Variants in METTL15 observed in about 807,000 individuals in gnomAD.
METTL15 encodes the protein 12S rRNA N(4)-cytidine methyltransferase METTL15.
Under a neutral mutation model 38.3 loss-of-function variants are expected in METTL15, and 34 were observed. The observed-to-expected ratio is 0.89, with a 90% CI of 0.68 to 1.18. METTL15 has a LOEUF of 1.18. Among genes scored for constraint, METTL15 ranks in the 50% most tolerant of loss-of-function variants. The pLI, the probability that METTL15 is intolerant of heterozygous loss-of-function variation, is 0.00. For missense variants in METTL15, 438 were observed against 498.4 expected (o/e 0.88, Z 1.15); for synonymous variants, 162 against 170.9 (o/e 0.95, Z 0.41).
chr11:28,186,062 G>T (rs1016675801), intron 3 of METTL15, among the ~76,000 whole-genome samples: 8 of 150,950 alleles, frequency 5.3e-5, no homozygotes, highest in African/African-American at 1.5e-4. Context: ...GTATCTTTGG[G>T]TTTGGGGTTC....
intron 3 of METTL15, among the ~76,000 whole-genome samples, chr11:28,349,635 A>G (rs925185677): frequency 6.6e-6 from 1 of 152,226 alleles, no homozygotes; most frequent in Admixed American, 6.5e-5. Context: ...TTTACCTTAA[A>G]TATATTTTAA....
At chr11:28,328,558 A>G (rs937593844) in intron 6 of METTL15, among the ~76,000 whole-genome samples, 4 of 152,154 alleles carry the variant, frequency 2.6e-5, no homozygotes, top group African/African-American at 9.6e-5. Flanking sequence ...CATTAAGAAC[A>G]AATCTGTACT....
chr11:28,292,353 C>A (rs1856551225), intron 5 of METTL15, among the ~76,000 whole-genome samples: 1 of 151,800 alleles, frequency 6.6e-6, no homozygotes, highest in African/African-American at 2.4e-5. Context: ...ATGATGATTT[C>A]CAGCTTCATC....
chr11:28,268,391 TACACAAATATAAGCTCTTTGTAGTTC>T (rs1855518207), intron 4 of METTL15, among the ~76,000 whole-genome samples: 1 of 152,044 alleles, frequency 6.6e-6, no homozygotes, highest in South Asian at 2.1e-4. Flanking sequence ...CTGCTTCACC[TACACAAATATAAGCTCTTTGTAGTTC>T]ATAGCAAGAC....
intron 4 of METTL15, among the ~76,000 whole-genome samples, chr11:28,232,903 T>C (rs1853747781): frequency 6.6e-6 from 1 of 152,058 alleles, no homozygotes; most frequent in South Asian, 2.1e-4. Flanking sequence ...CTAACAGGGC[T>C]TGACCCATTT....
chr11:28,215,269 G>A (rs1053082416), intron 4 of METTL15, among the ~76,000 whole-genome samples: 1 of 152,164 alleles, frequency 6.6e-6, no homozygotes, highest in African/African-American at 2.4e-5. Context: ...AAGAAGTGGG[G>A]GAAGTTAGAT....
At chr11:28,139,984 G>A (rs924846230) in intron 3 of METTL15, among the ~76,000 whole-genome samples, 2 of 152,096 alleles carry the variant, frequency 1.3e-5, no homozygotes, top group African/African-American at 4.8e-5. Flanking sequence ...CATGGCGGGA[G>A]TTGGTGGCTG....
chr11:28,155,655 G>A (rs1850239023), intron 3 of METTL15, among the ~76,000 whole-genome samples: 2 of 152,126 alleles, frequency 1.3e-5, no homozygotes, highest in African/African-American at 4.8e-5. Flanking sequence ...GGCAATGCAG[G>A]GAAGAGGACA....
intron 6 of METTL15, among the ~76,000 whole-genome samples, chr11:28,503,020 C>A (rs992543189): frequency 1.3e-5 from 2 of 152,188 alleles, no homozygotes; most frequent in Non-Finnish European, 2.9e-5. Context: ...TGGTTTATTT[C>A]TCACTTGCTG....
chr11:28,426,584 G>GTTTTTTTTTTTTTTTT (rs66959082), intron 6 of METTL15, among the ~76,000 whole-genome samples: 7 of 82,342 alleles, frequency 8.5e-5, no homozygotes, highest in African/African-American at 1.6e-4. Flanking sequence ...GCCAGCATCT[G>GTTTTTTTTTTTTTTTT]TTTTTTTTTT....
chr11:28,385,019 G>A (rs1850426139), intron 5 of METTL15, among the ~76,000 whole-genome samples: 1 of 152,044 alleles, frequency 6.6e-6, no homozygotes, highest in African/African-American at 2.4e-5. Flanking sequence ...ATTTATTTAA[G>A]TTCCTTAAAG....
At chr11:28,461,894 A>G (rs1851218996) in intron 6 of METTL15, among the ~76,000 whole-genome samples, 1 of 152,106 alleles carries the variant, frequency 6.6e-6, no homozygotes, top group South Asian at 2.1e-4. Flanking sequence ...ACAGGATTGG[A>G]AATTTTAGAA....
chr11:28,524,199 A>G (rs952400462), intron 6 of METTL15, among the ~76,000 whole-genome samples: 1 of 152,176 alleles, frequency 6.6e-6, no homozygotes, highest in African/African-American at 2.4e-5. Flanking sequence ...AAAATTTTTG[A>G]TTTTTTTGAA....
chr11:28,174,995 G>A (rs1415189686), intron 3 of METTL15, among the ~76,000 whole-genome samples: 6 of 151,136 alleles, frequency 4.0e-5, no homozygotes, highest in African/African-American at 7.3e-5. Context: ...TGTGCACAAC[G>A]TGCAGGTTAG....
intron 3 of METTL15, among the ~76,000 whole-genome samples, chr11:28,184,131 A>G (rs746749568): frequency 1.3e-5 from 2 of 151,700 alleles, no homozygotes; most frequent in African/African-American, 2.4e-5. Context: ...TATTGTGTCT[A>G]TTTGATTCTT....
At chr11:28,426,591 T>TTG (rs1206818207) in intron 6 of METTL15, among the ~76,000 whole-genome samples, 1,743 of 118,678 alleles carry the variant, frequency 0.015, 26 homozygotes, top group African/African-American at 0.041. Flanking sequence ...TCTGTTTTTT[T>TTG]TTTTTTTTTT....
At chr11:28,192,858 T>C (rs1428820363) in intron 3 of METTL15, among the ~76,000 whole-genome samples, 1 of 152,126 alleles carries the variant, frequency 6.6e-6, no homozygotes, top group Non-Finnish European at 1.5e-5. Flanking sequence ...ATTAGCTGTT[T>C]CTTCTCTGAG....
intron 6 of METTL15, among the ~76,000 whole-genome samples, chr11:28,318,513 A>G (rs889875093): frequency 3.3e-5 from 5 of 152,212 alleles, no homozygotes; most frequent in Non-Finnish European, 5.9e-5. Flanking sequence ...AAGAAGCACT[A>G]TTCTTTCATT....
At chr11:28,233,053 T>A (rs906801702) in intron 4 of METTL15, among the ~76,000 whole-genome samples, 2 of 152,076 alleles carry the variant, frequency 1.3e-5, no homozygotes, top group African/African-American at 2.4e-5. Context: ...TTATTTTTTT[T>A]AAATTATGCC....
Sources: allele counts gnomAD v4.1 joint callset (sites outside exome capture counted in the v4.1 genomes callset), GRCh38; gene constraint gnomAD v4.1.1; transcripts MANE v1.5; gene names NCBI Gene and HGNC (gene_info 2026-07-23, HGNC 2026-07-21).